The following HEATR5B variants were observed in gnomAD, a reference collection of about 807,000 sequenced individuals.
The protein encoded by HEATR5B is HEAT repeat-containing protein 5B.
Under a neutral mutation model 224.1 loss-of-function variants are expected in HEATR5B, and 156 were observed. The observed-to-expected ratio is 0.70, with a 90% CI of 0.61 to 0.80. The LOEUF is 0.80. Among genes scored for constraint, HEATR5B ranks in the 30% least tolerant of loss-of-function variants. The probability of loss-of-function intolerance (pLI) is 0.00; values close to 1 mark genes in which losing one functional copy is unlikely to be tolerated. For missense variants in HEATR5B, 2,323 were observed against 2,535.5 expected, an observed-to-expected ratio of 0.92 and a Z score of 1.80; for synonymous variants, 1,027 against 893.0, an observed-to-expected ratio of 1.15 and a Z score of -2.68.
chr2:37,000,851 C>A, intron 32 of HEATR5B, 38 bp from the exon 33 acceptor site: 1 of 1,320,276 alleles, frequency 7.6e-7, no homozygotes, highest in South Asian at 1.2e-5. Flanking sequence ...CATAACTATT[C>A]AGTTCCCATA....
At chr2:37,029,060 C>T (rs1668956686) in intron 22 of HEATR5B, 140 bp from the exon 23 acceptor site, 1 of 709,348 alleles carries the variant, frequency 1.4e-6, no homozygotes, top group Middle Eastern at 3.3e-4. Flanking sequence ...TAACTATGGC[C>T]TCTAGTTTAC....
At chr2:37,039,587 A>C (rs1380479366) in intron 20 of HEATR5B, among the ~76,000 whole-genome samples, 1 of 152,266 alleles carries the variant, frequency 6.6e-6, no homozygotes, top group African/African-American at 2.4e-5. Context: ...AATAAAATAG[A>C]GATAATATCA....
intron 29 of HEATR5B, 146 bp from the exon 30 acceptor site, chr2:37,005,905 C>T (rs1465228803): frequency 5.4e-6 from 3 of 560,162 alleles, no homozygotes; most frequent in African/African-American, 4.0e-5. Context: ...AAATGGTTTC[C>T]AAGTTAAACA....
chr2:37,040,137 T>C (rs77676894), intron 20 of HEATR5B, among the ~76,000 whole-genome samples, 192 bp downstream of exon 20: 2 of 152,212 alleles, frequency 1.3e-5, no homozygotes, highest in Admixed American at 6.5e-5. Flanking sequence ...TATCATGTCA[T>C]AGGTTTCTTG....
chr2:37,002,520 G>A lies in HEATR5B; in HGVS notation c.5103C>T (p.Asp1701=). The A allele has an allele frequency of 5.6e-6, 9 of 1,614,128 alleles. No homozygotes were observed. Among genetic ancestry groups the A allele is most frequent in the Non-Finnish European group, 7.6e-6 (9 of 1,180,006 alleles). Reference sequence around the variant, plus strand: ...ATTTTCCAGGAATGAGACCACCGCTGTCACCTCCTTCTCCCAATACGGTAC... The same window carrying A: ...ATTTTCCAGGAATGAGACCACCGCTATCACCTCCTTCTCCCAATACGGTAC... ...EACTVLGEGG[D]SGGLIPGKSL... Residue 1701 remains aspartate, a synonymous_variant, in exon 32 of 36, where the codon GAC becomes GAT. Coordinates refer to ENST00000233099, the MANE Select transcript of HEATR5B (RefSeq NM_019024.3).
chr2:37,009,652 G>A (rs1667663250), intron 27 of HEATR5B, among the ~76,000 whole-genome samples: 1 of 151,982 alleles, frequency 6.6e-6, no homozygotes, highest in South Asian at 2.1e-4. Context: ...CATTTGCCTT[G>A]GAGACATTTT....
intron 26 of HEATR5B, among the ~76,000 whole-genome samples, chr2:37,018,107 C>T (rs1668236295): frequency 6.6e-6 from 1 of 151,906 alleles, no homozygotes; most frequent in African/African-American, 2.4e-5. Flanking sequence ...TACTGCTTTA[C>T]CTGTCAGGAA....
intron 31 of HEATR5B, among the ~76,000 whole-genome samples, chr2:37,003,067 T>A (rs1401355748): frequency 6.6e-6 from 1 of 151,776 alleles, no homozygotes; most frequent in African/African-American, 2.4e-5. Context: ...GAGACCAGCC[T>A]AACATGGCAA....
chr2:37,004,062 G>A (rs903642244), intron 30 of HEATR5B, among the ~76,000 whole-genome samples: 2 of 152,158 alleles, frequency 1.3e-5, no homozygotes, highest in African/African-American at 4.8e-5. Flanking sequence ...ACCACAGATT[G>A]TAGAAATCTC....
intron 18 of HEATR5B, among the ~76,000 whole-genome samples, chr2:37,047,355 G>T (rs994588553): frequency 1.3e-5 from 2 of 152,258 alleles, no homozygotes; most frequent in African/African-American, 4.8e-5. Context: ...GAATAAAGAA[G>T]TTAAGAATAA....
At chr2:37,078,085 A>T (rs1400907683) in intron 3 of HEATR5B, among the ~76,000 whole-genome samples, 1 of 152,206 alleles carries the variant, frequency 6.6e-6, no homozygotes, top group African/African-American at 2.4e-5. Flanking sequence ...TAAATCCTAG[A>T]ACCTACCATC....
chr2:36,990,741 C>T lies in HEATR5B; in HGVS notation c.5604G>A (p.Leu1868=). Reference sequence around the variant, plus strand: ...CTATTATTTCATTACTAGCAGACCACAGGAAGAGTGCAATTGCTGTTAGCA... The same window carrying T: ...CTATTATTTCATTACTAGCAGACCATAGGAAGAGTGCAATTGCTGTTAGCA... ...VSMLTAIALF[L]WSASNEIIGV... Residue 1868 remains leucine (L), a synonymous_variant, in exon 34 of 36, where the codon CTG becomes CTA. Transcript: ENST00000233099. 1 of 1,611,820 alleles carries T rather than the reference C, an allele frequency of 6.2e-7. No individual in the cohort carries two copies. The highest frequency in any genetic ancestry group is 2.2e-5 in the East Asian group (1 of 44,838).
chr2:37,020,886 G>T, intron 24 of HEATR5B, 50 bp from the exon 25 acceptor site: 3 of 1,005,358 alleles, frequency 3.0e-6, no homozygotes, highest in South Asian at 2.1e-5. Context: ...AAAAATAAGT[G>T]TAATAACATA....
chr2:37,000,870 G>T, intron 32 of HEATR5B, 57 bp from the exon 33 acceptor site: 2 of 1,150,296 alleles, frequency 1.7e-6, no homozygotes, highest in Non-Finnish European at 2.5e-6. Context: ...TATTATAGTT[G>T]TTTTCATTGC....
chr2:36,984,225 T>TATATATATATATATATA (rs1242428169), intron 35 of HEATR5B, among the ~76,000 whole-genome samples: 44 of 75,222 alleles, frequency 5.8e-4, no homozygotes, highest in South Asian at 4.8e-4. Flanking sequence ...AATATATATA[T>TATATATATATATATATA]ATATATATAT....
At chr2:37,064,138 T>C (rs1165668120) in intron 10 of HEATR5B, among the ~76,000 whole-genome samples, 1 of 152,168 alleles carries the variant, frequency 6.6e-6, no homozygotes, top group Non-Finnish European at 1.5e-5. Context: ...CCACTCAATT[T>C]TTACTAAACA....
chr2:37,040,608 T>A, intron 19 of HEATR5B, 90 bp from the exon 20 acceptor site: 1 of 888,260 alleles, frequency 1.1e-6, no homozygotes, highest in East Asian at 2.8e-5. Flanking sequence ...GGTATACTCT[T>A]AATATTTTTA....
chr2:37,001,266 G>T (rs1347970995), intron 32 of HEATR5B, among the ~76,000 whole-genome samples: 1 of 151,986 alleles, frequency 6.6e-6, no homozygotes, highest in Admixed American at 6.6e-5. Flanking sequence ...GGACTACTGG[G>T]GCAAGGAAAG....
chr2:37,013,776 A>T, intron 27 of HEATR5B, 65 bp downstream of exon 27: 1 of 1,383,416 alleles, frequency 7.2e-7, no homozygotes, highest in Non-Finnish European at 9.7e-7. Flanking sequence ...CAACAAGAGT[A>T]GAGGAACATT....
Sources: gnomAD v4.1 joint callset for allele counts (sites outside exome capture counted in the v4.1 genomes callset) on GRCh38, gnomAD v4.1.1 for gene constraint, MANE v1.5 for transcripts, NCBI Gene and HGNC (gene_info 2026-07-23, HGNC 2026-07-21) for gene names.